Variants in ME3 observed in about 807,000 individuals in gnomAD.
The protein encoded by ME3 is malic enzyme 3, also known as NADP-dependent malic enzyme, mitochondrial.
Under a neutral mutation model 68.9 loss-of-function variants are expected in ME3, and 48 were observed. The ratio of observed to expected loss-of-function variants is 0.70; its 90% CI spans 0.55 to 0.89. The LOEUF (loss-of-function observed/expected upper bound fraction) is 0.89. Among genes scored for constraint, ME3 ranks in the 40% least tolerant of loss-of-function variants. The pLI is 0.00. For missense variants in ME3, 675 were observed against 797.4 expected (o/e 0.85, Z 1.85); for synonymous variants, 320 against 318.8 (o/e 1.00, Z -0.04).
chr11:86,605,987 C>T (rs1018703936), intron 2 of ME3, among the ~76,000 whole-genome samples: 1 of 152,208 alleles, frequency 6.6e-6, no homozygotes, highest in African/African-American at 2.4e-5. Context: ...TTCTCCACTA[C>T]AGCCATTTTC....
At chr11:86,474,038 T>A (rs907138272) in intron 7 of ME3, among the ~76,000 whole-genome samples, 24 of 151,898 alleles carry the variant, frequency 1.6e-4, no homozygotes, top group Non-Finnish European at 1.0e-4. Flanking sequence ...TGGAGGTGAG[T>A]CCATGGTCAC....
intron 3 of ME3, among the ~76,000 whole-genome samples, chr11:86,558,094 C>G (rs1382359802): frequency 6.6e-6 from 1 of 152,186 alleles, no homozygotes; most frequent in Non-Finnish European, 1.5e-5. Flanking sequence ...ACTCTTCTGT[C>G]CCTGAGCCTG....
At chr11:86,600,268 C>G (rs1285539944) in intron 2 of ME3, among the ~76,000 whole-genome samples, 1 of 152,054 alleles carries the variant, frequency 6.6e-6, no homozygotes, top group Non-Finnish European at 1.5e-5. Flanking sequence ...ATCTATCAAG[C>G]AAATGGAAAA....
At chr11:86,520,454 CAAA>C (rs1033409518) in intron 4 of ME3, among the ~76,000 whole-genome samples, 1 of 151,912 alleles carries the variant, frequency 6.6e-6, no homozygotes, top group Non-Finnish European at 1.5e-5. Context: ...AACAAACAAA[CAAA>C]AAACCCCAAA....
At chr11:86,517,001 A>G (rs1314023748) in intron 4 of ME3, among the ~76,000 whole-genome samples, 4 of 152,182 alleles carry the variant, frequency 2.6e-5, no homozygotes, top group East Asian at 1.9e-4. Flanking sequence ...TACCTGATCT[A>G]TTCCTTCAAA....
chr11:86,551,730 A>G (rs1956694837), intron 4 of ME3, among the ~76,000 whole-genome samples: 1 of 152,196 alleles, frequency 6.6e-6, no homozygotes, highest in South Asian at 2.1e-4. Context: ...TCCTGTATGT[A>G]TGTTATTGGC....
At chr11:86,658,638 C>G (rs948672216) in intron 2 of ME3, among the ~76,000 whole-genome samples, 2 of 152,056 alleles carry the variant, frequency 1.3e-5, no homozygotes, top group African/African-American at 2.4e-5. Context: ...ATGCTTGGAC[C>G]CTCCAGTCCT....
In ME3 at chr11:86,593,206, C is replaced by A. The variant is rs773164165; in HGVS notation, c.184-33383G>T. Among the ~76,000 whole-genome samples, 4 of 116,894 alleles carry A rather than the reference C, an allele frequency of 3.4e-5. 1 individual carries two copies. Among genetic ancestry groups the A allele is most frequent in the Non-Finnish European group, 7.1e-5 (4 of 56,644 alleles). 76.7% of individuals were successfully genotyped at this position (116,894 alleles called of 152,430 possible). A position where few individuals can be genotyped will look rare whatever the true frequency, so the allele number is the denominator to read the frequency against. ...GATTTCCTCCACCCTCCTTCACTCA[C>A]ATAGTAAAAGTTAGCTACTGCCTGC... On this transcript the variant is annotated intron_variant, in intron 2 of 14. Coordinates refer to ENST00000543262, the Ensembl canonical transcript of ME3.
intron 2 of ME3, among the ~76,000 whole-genome samples, chr11:86,648,510 C>T: frequency 2.0e-5 from 1 of 50,164 alleles, no homozygotes; most frequent in South Asian, 7.5e-4. Context: ...ACACAAAAAA[C>T]CTTTCAAAAA....
intron 2 of ME3, among the ~76,000 whole-genome samples, chr11:86,647,581 C>CA (rs1242096102): frequency 3.1e-4 from 46 of 146,886 alleles, no homozygotes; most frequent in African/African-American, 4.0e-4. Flanking sequence ...AAATGGAAAA[C>CA]AAAAAAAAAG....
chr11:86,447,285 G>C, intron 11 of ME3, 78 bp from the exon 12 acceptor site: 1 of 1,546,456 alleles, frequency 6.5e-7, no homozygotes. Context: ...GGTGGTGGGG[G>C]AACTAGGAAT....
At chr11:86,638,932 C>A (rs1944507194) in intron 2 of ME3, among the ~76,000 whole-genome samples, 1 of 152,192 alleles carries the variant, frequency 6.6e-6, no homozygotes, top group African/African-American at 2.4e-5. Flanking sequence ...CCAAACCTGT[C>A]TGGAAAGCCC....
At chr11:86,457,619 A>G (rs1246371348) in intron 8 of ME3, 1 of 1,269,302 alleles carries the variant, frequency 7.9e-7, no homozygotes, top group Non-Finnish European at 1.0e-6. Flanking sequence ...TGGGCTATGC[A>G]CTAGGGGTTT....
At chr11:86,527,451 A>G (rs1329553181) in intron 4 of ME3, among the ~76,000 whole-genome samples, 1 of 152,234 alleles carries the variant, frequency 6.6e-6, no homozygotes, top group Non-Finnish European at 1.5e-5. Flanking sequence ...GCCGGATATT[A>G]TACATGAGAA....
chr11:86,599,931 AAG>A (rs1452178372), intron 2 of ME3, among the ~76,000 whole-genome samples: 9 of 152,180 alleles, frequency 5.9e-5, no homozygotes, highest in African/African-American at 2.2e-4. Flanking sequence ...CCTGCCCTAA[AAG>A]AGCTCCTGAA....
intron 2 of ME3, among the ~76,000 whole-genome samples, chr11:86,569,892 C>T (rs1957693726): frequency 6.6e-6 from 1 of 152,194 alleles, no homozygotes; most frequent in South Asian, 2.1e-4. Context: ...CTGAGCTAAT[C>T]AACAGCTTCA....
chr11:86,503,179 T>A (rs775300098), intron 5 of ME3, among the ~76,000 whole-genome samples: 4 of 152,212 alleles, frequency 2.6e-5, no homozygotes, highest in Non-Finnish European at 5.9e-5. Flanking sequence ...AAAATGGGGA[T>A]AACAATAGTC....
intron 1 of ME3, 32 bp from the exon 2 acceptor site, chr11:86,671,990 T>C: frequency 1.5e-6 from 2 of 1,357,188 alleles, no homozygotes; most frequent in South Asian, 1.8e-5. Flanking sequence ...GGTCAGGGCC[T>C]CCTTCCAGCC....
intron 2 of ME3, among the ~76,000 whole-genome samples, chr11:86,643,089 T>A (rs529508575): frequency 1.3e-5 from 2 of 152,312 alleles, no homozygotes; most frequent in African/African-American, 4.8e-5. Context: ...TTTGCTTCCT[T>A]AGGCCTCTCA....
Sources: allele counts gnomAD v4.1 joint callset (sites outside exome capture counted in the v4.1 genomes callset), GRCh38; gene constraint gnomAD v4.1.1; transcripts MANE v1.5; gene names NCBI Gene and HGNC (gene_info 2026-07-23, HGNC 2026-07-21).